HSPH1: variants seen among roughly 807,000 people sequenced by gnomAD.
HSPH1 encodes the protein heat shock protein family H (Hsp110) member 1, also known as heat shock protein 105 kDa.
HSPH1 carries 40 observed loss-of-function variants against 100.0 expected under a neutral mutation model. That is an observed-to-expected ratio of 0.40 (90% CI 0.31 to 0.52). The LOEUF is 0.52. Ranked by LOEUF, HSPH1 falls within the 20% of genes least tolerant of loss-of-function variation. HSPH1 has a pLI of 0.54. For missense variants in HSPH1, 876 were observed against 1,015.1 expected (o/e 0.86, Z 1.86); for synonymous variants, 403 against 344.0 (o/e 1.17, Z -1.90).
intron 9 of HSPH1, 32 bp from the exon 10 acceptor site, chr13:31,148,124 T>C (rs1400585414): frequency 3.1e-6 from 5 of 1,592,474 alleles, no homozygotes; most frequent in Non-Finnish European, 3.4e-6. Flanking sequence ...ATTCAGCAGA[T>C]GAAGAACTTA....
At chr13:31,158,935 C>CTAA in intron 1 of HSPH1, 72 bp from the exon 2 acceptor site, 1 of 941,756 alleles carries the variant, frequency 1.1e-6, no homozygotes, top group South Asian at 1.3e-5. Context: ...GAGAAAAATA[C>CTAA]TAACATAAAT....
In HSPH1 at chr13:31,139,036, A is replaced by G. The variant is rs150275105; in HGVS notation, c.2052T>C (p.Ala684=). ...CCAACTTGTCAACATATGCTTGTTT[A>G]GCTTGGTCCTCTCCTTCTTCATACA... is the stretch of plus-strand genomic sequence containing the variant. ...DWLYEEGEDQ[A]KQAYVDKLEE... is the part of the protein sequence containing the mutation. Residue 684 remains alanine, a synonymous_variant, in exon 15 of 18, where the codon GCT becomes GCC. Coordinates refer to ENST00000320027, the MANE Select transcript of HSPH1 (RefSeq NM_006644.4). 2.0e-4 allele frequency: 319 copies of G among 1,613,180 alleles called. No homozygotes were observed. In the African/African-American group the frequency reaches 3.7e-3, roughly 19 times the overall value.
Position 31,154,192 on chromosome 13 carries a change from C to A in HSPH1, c.429+441G>T, listed in dbSNP as rs912177364. 9.5e-6 allele frequency: 2 copies of A among 209,918 alleles called. 1 individual carries two copies. Among genetic ancestry groups the A allele is most frequent in the Non-Finnish European group, 1.9e-5 (2 of 102,700 alleles). The allele number at this position is 209,918 out of a possible 1,614,324, so 13.0% of individuals were successfully genotyped here. ...CTTTGATAGTCTAACTAGTAATTGTCCACTGAAGGTAACAGGCTTGCTAGT... is the reference window on the plus strand; with the variant it reads ...CTTTGATAGTCTAACTAGTAATTGTACACTGAAGGTAACAGGCTTGCTAGT... On this transcript the variant is annotated intron_variant, in intron 4 of 17. Coordinates refer to ENST00000320027, the MANE Select transcript of HSPH1 (RefSeq NM_006644.4).
rs1955906643 is a variant in HSPH1 at position 31,137,120 on chromosome 13, GAA to G, written c.*196_*197del. ...TGAATTCACAATTCCACAGGAATCTGAAAGTTACCAAGGCAATTTTCCCTTTT... is the reference window on the plus strand; with the variant it reads ...TGAATTCACAATTCCACAGGAATCTGAGTTACCAAGGCAATTTTCCCTTTT... On this transcript the variant is annotated 3_prime_UTR_variant, in exon 18 of 18. Coordinates refer to ENST00000320027, the MANE Select transcript of HSPH1 (RefSeq NM_006644.4). 1 of 731,740 alleles carries G rather than the reference GAA, an allele frequency of 1.4e-6. No individual in the cohort carries two copies. Among genetic ancestry groups the G allele is most frequent in the African/African-American group, 1.7e-5 (1 of 57,878 alleles). The allele number at this position is 731,740 out of a possible 1,614,324, so 45.3% of individuals were successfully genotyped here.
chr13:31,158,875 T>C lies in HSPH1; in HGVS notation c.108-12A>G. 1 of 1,516,198 alleles carries C rather than the reference T, an allele frequency of 6.6e-7. No individual in the cohort carries two copies. The allele number at this position is 1,516,198 out of a possible 1,614,324, so 93.9% of individuals were successfully genotyped here. ...ATGATATGACTGACCTAGAAAAAAATATATTCCAAAAAATTAAAAAGCATA... is the reference window on the plus strand; with the variant it reads ...ATGATATGACTGACCTAGAAAAAAACATATTCCAAAAAATTAAAAAGCATA... On this transcript the variant is annotated splice_polypyrimidine_tract_variant and intron_variant, in intron 1 of 17. Transcript: ENST00000320027.
At position 31,161,821 on chromosome 13, in the gene HSPH1, C is replaced by T; in HGVS notation, c.-239G>A. ...ACCCTGGGAGAAAGCGGGGCTCAGC[C>T]TCCGCAGGTCGCTCCGCACCTCGGG... On this transcript the variant is annotated 5_prime_UTR_variant, in exon 1 of 18. Coordinates refer to ENST00000320027, the MANE Select transcript of HSPH1 (RefSeq NM_006644.4). 2 of 1,475,570 alleles carry T rather than the reference C, an allele frequency of 1.4e-6. No individual in the cohort carries two copies. The highest frequency in any genetic ancestry group is 1.8e-6 in the Non-Finnish European group (2 of 1,114,694). The allele number at this position is 1,475,570 out of a possible 1,614,324, so 91.4% of individuals were successfully genotyped here.
rs1955911629 is a variant in HSPH1 at position 31,137,227 on chromosome 13, A to C, written c.*91T>G. ...AAATTTCTAAATATCCTTAAAAAAG[A>C]AAATATAAATAGTTTCAGTATGTTA... On this transcript the variant is annotated 3_prime_UTR_variant, in exon 18 of 18. Coordinates refer to ENST00000320027, the MANE Select transcript of HSPH1 (RefSeq NM_006644.4). 1 of 829,840 alleles carries C rather than the reference A, an allele frequency of 1.2e-6. No homozygotes were observed. Among genetic ancestry groups the C allele is most frequent in the South Asian group, 1.6e-5 (1 of 61,804 alleles). The allele number at this position is 829,840 out of a possible 1,614,324, so 51.4% of individuals were successfully genotyped here.
Position 31,135,653 on chromosome 13 carries a change from GA to G in HSPH1, c.*1664del, listed in dbSNP as rs1955865923. 2 of 152,202 alleles carry G rather than the reference GA, an allele frequency of 1.3e-5. No individual in the cohort carries two copies. Among genetic ancestry groups the G allele is most frequent in the Admixed American group, 6.5e-5 (1 of 15,282 alleles). 9.4% of individuals were successfully genotyped at this position (152,202 alleles called of 1,614,324 possible). A position where few individuals can be genotyped will look rare whatever the true frequency, so the allele number is the denominator to read the frequency against. On this transcript the variant is annotated 3_prime_UTR_variant, in exon 18 of 18. Coordinates refer to ENST00000320027, the MANE Select transcript of HSPH1 (RefSeq NM_006644.4). ...ACGAGCTACCTGGTCTAGATGGAATGAAGTGTTAGCTTTAAAATTTGAGTTA... is the reference window on the plus strand; with the variant it reads ...ACGAGCTACCTGGTCTAGATGGAATGAGTGTTAGCTTTAAAATTTGAGTTA...
intron 12 of HSPH1, among the ~76,000 whole-genome samples, 196 bp from the exon 13 acceptor site, chr13:31,141,455 T>G (rs1487074936): frequency 6.6e-6 from 1 of 152,086 alleles, no homozygotes; most frequent in East Asian, 1.9e-4. Context: ...CATACCTTCC[T>G]TCAGGAATTC....
intron 10 of HSPH1, among the ~76,000 whole-genome samples, chr13:31,146,636 G>C (rs934620715): frequency 1.3e-5 from 2 of 152,204 alleles, no homozygotes; most frequent in Admixed American, 6.5e-5. Flanking sequence ...GTACAATACA[G>C]TGGGGTTCCA....
chr13:31,141,160 A>G lies in HSPH1; in HGVS notation c.1816T>C (p.Leu606=). 6.2e-7 allele frequency: 1 copy of G among 1,607,368 alleles called. No individual in the cohort carries two copies. The highest frequency in any genetic ancestry group is 8.5e-7 in the Non-Finnish European group (1 of 1,176,020). Reference sequence around the variant, plus strand: ...TACATGTTAAGAAGGTCTTTCCCTAACTGCCAGACCAAGTTGGCTTCAATA... The same window carrying G: ...TACATGTTAAGAAGGTCTTTCCCTAGCTGCCAGACCAAGTTGGCTTCAATA... ...LPIEANLVWQ[L]GKDLLNMYIE... Residue 606 remains leucine, a synonymous_variant, in exon 13 of 18, where the codon TTA becomes CTA. Coordinates refer to ENST00000320027, the MANE Select transcript of HSPH1 (RefSeq NM_006644.4).
At chr13:31,161,908 A>G, upstream of HSPH1, 1 of 1,509,250 alleles carries the variant, frequency 6.6e-7, no homozygotes, top group East Asian at 2.5e-5. Context: ...CCGACCCAAA[A>G]GGGGAGGTCC....
At chr13:31,141,829 C>T (rs1308450570) in intron 12 of HSPH1, among the ~76,000 whole-genome samples, 1 of 151,320 alleles carries the variant, frequency 6.6e-6, no homozygotes, top group Non-Finnish European at 1.5e-5. Context: ...CACACACACA[C>T]ATTATTACTA....
intron 14 of HSPH1, 28 bp downstream of exon 14, chr13:31,140,156 T>C (rs1956036805): frequency 2.5e-6 from 4 of 1,592,252 alleles, no homozygotes; most frequent in Non-Finnish European, 3.4e-6. Context: ...TGAGACTATC[T>C]GAACAAAAAC....
At position 31,154,749 on chromosome 13, in the gene HSPH1, A is replaced by G; in HGVS notation, c.313T>C (p.Tyr105His). ...KNGGVGIKVM[Y>H]MGEEHLFSVE... ...CTAAATAGATGTTCTTCACCCATGTACATTACCTATATTGAAGGGAAAAAA... is the reference window on the plus strand; with the variant it reads ...CTAAATAGATGTTCTTCACCCATGTGCATTACCTATATTGAAGGGAAAAAA... The change falls in exon 4 of 18, where the codon TAC becomes CAC. Residue 105 changes from tyrosine to histidine, a missense_variant. Physicochemically the swap from Tyr to His is moderately conservative, Grantham distance 83 (BLOSUM62 2). Coordinates refer to ENST00000320027, the MANE Select transcript of HSPH1 (RefSeq NM_006644.4). The G allele has an allele frequency of 6.2e-7, 1 of 1,613,140 alleles. No homozygotes were observed. The highest frequency in any genetic ancestry group is 8.5e-7 in the Non-Finnish European group (1 of 1,179,308).
chr13:31,142,734 A>G (rs1393678050), intron 12 of HSPH1, among the ~76,000 whole-genome samples: 1 of 152,100 alleles, frequency 6.6e-6, no homozygotes, highest in African/African-American at 2.4e-5. Context: ...CCTACCTACA[A>G]CTAAGGAGCA....
In HSPH1 at chr13:31,138,334, G is replaced by C. The variant is rs907084689; in HGVS notation, c.2370+73C>G. On this transcript the variant is annotated intron_variant, in intron 17 of 17. Transcript: ENST00000320027. ...AAAGATTTACAGGAAAAATGGCTAT[G>C]TTGAAGGTTCAAATGATTGCAACTT... 33 of 1,391,112 alleles carry C rather than the reference G, an allele frequency of 2.4e-5. No individual in the cohort carries two copies. The African/African-American group carries it at 4.2e-4, about 18-fold the overall frequency. The allele number at this position is 1,391,112 out of a possible 1,614,324, so 86.2% of individuals were successfully genotyped here. A position where few individuals can be genotyped will look rare whatever the true frequency, so the allele number is the denominator to read the frequency against.
At chr13:31,157,359 C>T (rs1271855649) in intron 2 of HSPH1, among the ~76,000 whole-genome samples, 1 of 152,144 alleles carries the variant, frequency 6.6e-6, no homozygotes, top group African/African-American at 2.4e-5. Context: ...TTCTCCTTTC[C>T]TTTTTCACCC....
chr13:31,144,039 G>A, intron 11 of HSPH1, 116 bp from the exon 12 acceptor site: 2 of 866,320 alleles, frequency 2.3e-6, no homozygotes, highest in East Asian at 6.4e-5. Flanking sequence ...AACAGGTGGG[G>A]AGAAAAGGTA....
Sources: gnomAD v4.1 joint callset for allele counts (sites outside exome capture counted in the v4.1 genomes callset) on GRCh38, gnomAD v4.1.1 for gene constraint, MANE v1.5 for transcripts, NCBI Gene and HGNC (gene_info 2026-07-23, HGNC 2026-07-21) for gene names.